AKAP13: variants seen among roughly 807,000 people sequenced by gnomAD.
The protein encoded by AKAP13 is A-kinase anchor protein 13.
In AKAP13, 80 loss-of-function variants were observed where a neutral mutation model predicts 264.5. That is an observed-to-expected ratio of 0.30 (90% confidence interval 0.25 to 0.36). The LOEUF (loss-of-function observed/expected upper bound fraction) is 0.36. AKAP13 is among the 10% of genes least tolerant of loss of function. AKAP13 has a pLI of 1.00. For synonymous variants in AKAP13, 1,380 were observed against 1,250.2 expected (o/e 1.10, Z -2.19); for missense variants, 3,712 against 3,435.2 (o/e 1.08, Z -2.01).
intron 36 of AKAP13, chr15:85,744,163 TG>T (rs1450194910): frequency 3.7e-5 from 12 of 323,028 alleles, no homozygotes; most frequent in Non-Finnish European, 4.6e-5. Flanking sequence ...TAGCATTTGG[TG>T]ATTTAACCCT....
At chr15:85,619,848 T>C in intron 8 of AKAP13, 1 of 1,358,182 alleles carries the variant, frequency 7.4e-7, no homozygotes. Flanking sequence ...TCTACATTCA[T>C]CTTTCCAGCA....
At chr15:85,473,253 G>A (rs572696674) in intron 1 of AKAP13, among the ~76,000 whole-genome samples, 2 of 152,064 alleles carry the variant, frequency 1.3e-5, no homozygotes, top group African/African-American at 4.8e-5. Context: ...GCGCGGGTGT[G>A]GGGGTGGGAG....
intron 9 of AKAP13, among the ~76,000 whole-genome samples, chr15:85,644,799 G>T (rs187390076): frequency 6.6e-4 from 101 of 152,172 alleles, no homozygotes; most frequent in Admixed American, 5.9e-4. Context: ...CCAGGAGGCG[G>T]AAGTTGCAAA....
At chr15:85,529,012 A>G (rs912820780) in intron 3 of AKAP13, among the ~76,000 whole-genome samples, 1 of 152,204 alleles carries the variant, frequency 6.6e-6, no homozygotes, top group Non-Finnish European at 1.5e-5. Flanking sequence ...AAATCCTGCT[A>G]TTGTTCTTCC....
chr15:85,655,932 G>C, intron 11 of AKAP13, 145 bp downstream of exon 11: 1 of 1,327,816 alleles, frequency 7.5e-7, no homozygotes, highest in Non-Finnish European at 9.8e-7. Flanking sequence ...GAAAATCTGT[G>C]TTCAGACCCC....
intron 8 of AKAP13, among the ~76,000 whole-genome samples, chr15:85,621,670 A>C (rs1222272625): frequency 6.6e-6 from 1 of 152,224 alleles, no homozygotes; most frequent in Non-Finnish European, 1.5e-5. Context: ...TATTGGCCTC[A>C]GAGTTGCTGT....
chr15:85,499,749 T>A (rs2075990010), intron 2 of AKAP13, among the ~76,000 whole-genome samples: 1 of 152,076 alleles, frequency 6.6e-6, no homozygotes, highest in Non-Finnish European at 1.5e-5. Context: ...TCCTGAGCTT[T>A]CATCCTCCTG....
In AKAP13 at chr15:85,613,697, T is replaced by A. The variant is rs371868738; in HGVS notation, c.4162-25677T>A. On this transcript the variant is annotated intron_variant, in intron 8 of 36. Transcript: ENST00000394518. ...CTCCGTCTAAAAAAAAAAAAATATATATATATATATATATATTAGGAGTGC... is the reference window on the plus strand; with the variant it reads ...CTCCGTCTAAAAAAAAAAAAATATAAATATATATATATATATTAGGAGTGC... Among the ~76,000 whole-genome samples the A allele has an allele frequency of 1.5e-3, 151 of 101,480 alleles. 4 individuals carry two copies. The highest frequency in any genetic ancestry group is 0.01 in the East Asian group (37 of 3,672). The allele number at this position is 101,480 out of a possible 152,430, so 66.6% of individuals were successfully genotyped here.
rs1225744948 is a variant in AKAP13, at chr15:85,583,303, T to C, written c.4039+1196T>C. On this transcript the variant is annotated intron_variant, in intron 7 of 36. Transcript: ENST00000394518. ...GAATCAATGGAGCAAAAGAAGTTGC[T>C]TTGGAAGAAGCGCAATTTAAATACA... The C allele has an allele frequency of 9.9e-6, 6 of 606,740 alleles. No individual in the cohort carries two copies. In the African/African-American group the frequency reaches 1.0e-4, roughly 10 times the overall value. The allele number at this position is 606,740 out of a possible 1,614,324, so 37.6% of individuals were successfully genotyped here. A position where few individuals can be genotyped will look rare whatever the true frequency, so the allele number is the denominator to read the frequency against.
chr15:85,702,205 C>T (rs2085959693), intron 17 of AKAP13: 1 of 152,062 alleles, frequency 6.6e-6, no homozygotes, highest in African/African-American at 2.4e-5. Flanking sequence ...AAAGATCGCG[C>T]CATTGCACTT....
At chr15:85,685,680 G>T (rs2084871270) in intron 16 of AKAP13, among the ~76,000 whole-genome samples, 1 of 152,154 alleles carries the variant, frequency 6.6e-6, no homozygotes, top group African/African-American at 2.4e-5. Flanking sequence ...TGTTTGTAAA[G>T]ATGAAGTCTT....
At chr15:85,469,884 A>G (rs991552469) in intron 1 of AKAP13, among the ~76,000 whole-genome samples, 1 of 152,234 alleles carries the variant, frequency 6.6e-6, no homozygotes, top group African/African-American at 2.4e-5. Context: ...TTTAAAGACA[A>G]AAGTTCATGA....
chr15:85,697,501 G>A (rs144359446), intron 17 of AKAP13, among the ~76,000 whole-genome samples: 35 of 152,270 alleles, frequency 2.3e-4, no homozygotes, highest in African/African-American at 8.2e-4. Context: ...CCCGGGAGGC[G>A]GAGGTTGCAG....
intron 8 of AKAP13, among the ~76,000 whole-genome samples, chr15:85,610,727 GCACTT>G (rs556258923): frequency 6.6e-6 from 1 of 152,358 alleles, no homozygotes; most frequent in Admixed American, 6.5e-5. Context: ...TGTAATCCCA[GCACTT>G]CGGGAGGCCG....
At chr15:85,735,366 T>C (rs2241269) in intron 31 of AKAP13, among the ~76,000 whole-genome samples, 194 bp from the exon 32 acceptor site, 107,944 of 152,054 alleles carry the variant, frequency 0.71, 39,079 homozygotes, top group Admixed American at 0.79. Context: ...TAATAATACA[T>C]GTTCCTGCTT....
Position 85,585,803 on chromosome 15 carries a change from C to A in AKAP13, c.4141C>A (p.Gln1381Lys), listed in dbSNP as rs1249193717. The A allele has an allele frequency of 6.2e-7, 1 of 1,614,090 alleles. No homozygotes were observed. Among genetic ancestry groups the A allele is most frequent in the Non-Finnish European group, 8.5e-7 (1 of 1,179,974 alleles). Residue 1381 changes from glutamine to lysine, a missense_variant, in exon 8 of 37, where the codon CAA becomes AAA. Transcript: ENST00000394518. ...GSIAATLKMK[Q>K]GPMTQAINRE... ...CATAGCTGCTACACTGAAGATGAAG[C>A]AAGGCCCAATGACCCAGGCGGTAAG...
In AKAP13 at chr15:85,512,366, C is replaced by T. The variant is rs117236508; in HGVS notation, c.34-9062C>T. Among the ~76,000 whole-genome samples the T allele has an allele frequency of 3.9e-4, 59 of 152,272 alleles. No individual in the cohort carries two copies. In the East Asian group the frequency reaches 0.011, roughly 29 times the overall value. On this transcript the variant is annotated intron_variant, in intron 2 of 36. Coordinates refer to ENST00000394518, the MANE Select transcript of AKAP13 (RefSeq NM_007200.5). Reference sequence around the variant, plus strand: ...AGACCTCTTGCTTCTCCTCCCTTCTCCACCTCCAGACTCTTCCATCTTTCT... The same window carrying T: ...AGACCTCTTGCTTCTCCTCCCTTCTTCACCTCCAGACTCTTCCATCTTTCT...
At chr15:85,619,380 T>C (rs1240881303) in intron 8 of AKAP13, 1 of 983,716 alleles carries the variant, frequency 1.0e-6, no homozygotes, top group Non-Finnish European at 1.2e-6. Flanking sequence ...ACAGCAGGAG[T>C]GGTCTTTTAT....
At chr15:85,737,564 A>G (rs1258793360) in intron 33 of AKAP13, among the ~76,000 whole-genome samples, 4 of 152,168 alleles carry the variant, frequency 2.6e-5, no homozygotes, top group Non-Finnish European at 5.9e-5. Flanking sequence ...CCCCTAAAAT[A>G]CAGAAGGATA....
Sources: gnomAD v4.1 joint callset for allele counts (sites outside exome capture counted in the v4.1 genomes callset) on GRCh38, gnomAD v4.1.1 for gene constraint, MANE v1.5 for transcripts, NCBI Gene and HGNC (gene_info 2026-07-23, HGNC 2026-07-21) for gene names.